Variants in AP5S1 observed in about 807,000 individuals in gnomAD.
AP5S1 encodes the protein AP-5 complex subunit sigma-1.
In AP5S1, 13 loss-of-function variants were observed where a neutral mutation model predicts 13.9. The ratio of observed to expected loss-of-function variants is 0.94; its 90% CI spans 0.61 to 1.49. AP5S1 has a LOEUF of 1.49. Among genes scored for constraint, AP5S1 ranks in the 40% most tolerant of loss-of-function variants. The pLI is 0.00. For synonymous variants in AP5S1, 132 were observed against 121.8 expected (o/e 1.08, Z -0.55); for missense variants, 292 against 272.3 (o/e 1.07, Z -0.51).
In AP5S1 at chr20:3,823,886, G is replaced by A; in HGVS notation, c.192G>A (p.Met64Ile). Residue 64 changes from methionine to isoleucine, a missense_variant, in exon 3 of 3, where the codon ATG (methionine) becomes ATA (isoleucine). Coordinates refer to ENST00000615891, the MANE Select transcript of AP5S1 (RefSeq NM_018347.3). ...CTCTCCCCAGGCAGGTAGAGTCAAT[G>A]TGTCGGCTGCAGCAGCAGGCATCTG... ...ILAVARQVES[M>I]CRLQQQASGR... 1.2e-6 allele frequency: 2 copies of A among 1,600,840 alleles called. No homozygotes were observed. Among genetic ancestry groups the A allele is most frequent in the Non-Finnish European group, 1.7e-6 (2 of 1,178,620 alleles).
chr20:3,822,125 A>T lies in AP5S1; in HGVS notation c.8A>T (p.His3Leu). 6.2e-7 allele frequency: 1 copy of T among 1,613,532 alleles called. No homozygotes were observed. The highest frequency in any genetic ancestry group is 1.1e-5 in the South Asian group (1 of 91,042). ...AGCACCCACCCTGGAGCCATGGTCC[A>T]CGCCTTCCTCATTCACACCTTGAGG... is the stretch of plus-strand genomic sequence containing the variant. MVHAFLIHTLRAP... is the reference protein window; with the variant it reads MVLAFLIHTLRAP... Residue 3 changes from histidine (H) to leucine (L), a missense_variant, in exon 2 of 3, where the codon CAC becomes CTC. By Grantham distance (99) the His-to-Leu change is moderately conservative. Transcript: ENST00000615891.
At chr20:3,823,468 G>C (rs1366572989) in intron 2 of AP5S1, 1 of 841,172 alleles carries the variant, frequency 1.2e-6, no homozygotes, top group African/African-American at 1.9e-5. Context: ...AGCCAGGATG[G>C]TCTCGATCTC....
chr20:3,822,781 C>A (rs6037668), intron 2 of AP5S1, among the ~76,000 whole-genome samples: 24,509 of 152,104 alleles, frequency 0.16, 2,920 homozygotes, highest in African/African-American at 0.34. Context: ...CTTTAGTGTG[C>A]CTGTAGACTT....
chr20:3,828,334 G>C lies in AP5S1; in HGVS notation c.*4037G>C, dbSNP rs902448470. On this transcript the variant is annotated 3_prime_UTR_variant, in exon 3 of 3. Transcript: ENST00000615891. ...CTTATCACCAACACTGGGCACCAGA[G>C]TGGTCATTTGTTACAACTGATGGAC... 1.3e-5 allele frequency: 2 copies of C among 152,210 alleles called. No homozygotes were observed. Among genetic ancestry groups the C allele is most frequent in the Admixed American group, 6.5e-5 (1 of 15,274 alleles). The allele number at this position is 152,210 out of a possible 1,614,324, so 9.4% of individuals were successfully genotyped here. A position where few individuals can be genotyped will look rare whatever the true frequency, so the allele number is the denominator to read the frequency against.
chr20:3,822,384 G>A, intron 2 of AP5S1, 91 bp downstream of exon 2: 1 of 1,283,306 alleles, frequency 7.8e-7, no homozygotes, highest in Non-Finnish European at 1.1e-6. Context: ...AGAAATAGGA[G>A]GACTAAGAAG....
At chr20:3,823,796 C>G (rs561069766) in intron 2 of AP5S1, 75 bp from the exon 3 acceptor site, 1 of 1,538,694 alleles carries the variant, frequency 6.5e-7, no homozygotes, top group South Asian at 1.2e-5. Flanking sequence ...TGGTAGCTCC[C>G]AGCACCAGGG....
At chr20:3,822,967 G>C (rs1037197475) in intron 2 of AP5S1, among the ~76,000 whole-genome samples, 2 of 152,092 alleles carry the variant, frequency 1.3e-5, no homozygotes, top group South Asian at 4.2e-4. Flanking sequence ...CCGCATTCTG[G>C]GTGGGGTAGC....
chr20:3,820,880 G>C (rs1382913818), intron 1 of AP5S1, 122 bp downstream of exon 1: 1 of 152,318 alleles, frequency 6.6e-6, no homozygotes, highest in East Asian at 1.9e-4. Flanking sequence ...CTGGGCTCCG[G>C]TTCTCGAAGT....
Position 3,824,070 on chromosome 20 carries a change from C to G in AP5S1, c.376C>G (p.Leu126Val). ...GVLSLGFALV[L>V]DAHENLLLAE... is the part of the protein sequence containing the mutation. ...GCTCTCGTTAGGCTTTGCCCTGGTG[C>G]TGGATGCCCATGAGAACCTGCTACT... The change falls in exon 3 of 3, where the codon CTG becomes GTG. Residue 126 changes from leucine to valine, a missense_variant. Coordinates refer to ENST00000615891, the MANE Select transcript of AP5S1 (RefSeq NM_018347.3). 6.2e-7 allele frequency: 1 copy of G among 1,613,948 alleles called. No individual in the cohort carries two copies. The highest frequency in any genetic ancestry group is 8.5e-7 in the Non-Finnish European group (1 of 1,180,012).
In AP5S1 at chr20:3,822,172, G is replaced by T; in HGVS notation, c.55G>T (p.Gly19Cys). 1 of 1,614,104 alleles carries T rather than the reference G, an allele frequency of 6.2e-7. No individual in the cohort carries two copies. Among genetic ancestry groups the T allele is most frequent in the Non-Finnish European group, 8.5e-7 (1 of 1,180,020 alleles). ...TLRAPNTEDT[G>C]LCRVLYSCVF... ...GAGGGCCCCGAATACTGAGGACACG[G>T]GCCTTTGCCGAGTGCTGTACTCCTG... is the stretch of plus-strand genomic sequence containing the variant. Residue 19 changes from glycine (G) to cysteine (C), a missense_variant, in exon 2 of 3, where the codon GGC (glycine) becomes TGC (cysteine). Coordinates refer to ENST00000615891, the MANE Select transcript of AP5S1 (RefSeq NM_018347.3).
chr20:3,822,378 A>G, intron 2 of AP5S1, 85 bp downstream of exon 2: 2 of 1,345,826 alleles, frequency 1.5e-6, no homozygotes, highest in Non-Finnish European at 2.1e-6. Context: ...ACGCAGAGAA[A>G]TAGGAGGACT....
At position 3,828,391 on chromosome 20, in the gene AP5S1, A is replaced by G. The variant is rs1230890604; in HGVS notation, c.*4094A>G. 6.6e-6 allele frequency: 1 copy of G among 152,202 alleles called. No individual in the cohort carries two copies. Among genetic ancestry groups the G allele is most frequent in the Non-Finnish European group, 1.5e-5 (1 of 68,048 alleles). The allele number at this position is 152,202 out of a possible 1,614,324, so 9.4% of individuals were successfully genotyped here. A position where few individuals can be genotyped will look rare whatever the true frequency, so the allele number is the denominator to read the frequency against. On this transcript the variant is annotated 3_prime_UTR_variant, in exon 3 of 3. Transcript: ENST00000615891. The stretch of plus-strand genomic sequence containing the variant: ...TGACACGTCACTATCACCAGAGTCC[A>G]TAGTTTACATTAGGGTTCACTCTTG...
Position 3,826,092 on chromosome 20 carries a change from C to T in AP5S1, c.*1795C>T, listed in dbSNP as rs1166511073. 1 of 152,210 alleles carries T rather than the reference C, an allele frequency of 6.6e-6. No individual in the cohort carries two copies. The highest frequency in any genetic ancestry group is 1.5e-5 in the Non-Finnish European group (1 of 68,046). 9.4% of individuals were successfully genotyped at this position (152,210 alleles called of 1,614,324 possible). A position where few individuals can be genotyped will look rare whatever the true frequency, so the allele number is the denominator to read the frequency against. ...GTGCTCAGCTCTCATGCTTGCCATCCATCAGTTGCCCTTTAGCATCCAGGA... is the reference window on the plus strand; with the variant it reads ...GTGCTCAGCTCTCATGCTTGCCATCTATCAGTTGCCCTTTAGCATCCAGGA... On this transcript the variant is annotated 3_prime_UTR_variant, in exon 3 of 3. Transcript: ENST00000615891.
Position 3,824,673 on chromosome 20 carries a change from C to T in AP5S1, c.*376C>T, listed in dbSNP as rs1284114804. The T allele has an allele frequency of 4.2e-6, 1 of 237,416 alleles. No individual in the cohort carries two copies. Among genetic ancestry groups the T allele is most frequent in the Non-Finnish European group, 8.3e-6 (1 of 120,314 alleles). The allele number at this position is 237,416 out of a possible 1,614,324, so 14.7% of individuals were successfully genotyped here. A position where few individuals can be genotyped will look rare whatever the true frequency, so the allele number is the denominator to read the frequency against. On this transcript the variant is annotated 3_prime_UTR_variant, in exon 3 of 3. Transcript: ENST00000615891. ...CAAGGCCAGGCGCGGTGGCTCACGCCTGTAATCCCAGCACTTTGCGGGGCT... is the reference window on the plus strand; with the variant it reads ...CAAGGCCAGGCGCGGTGGCTCACGCTTGTAATCCCAGCACTTTGCGGGGCT...
In AP5S1 at chr20:3,824,130, C is replaced by G. The variant is rs780903071; in HGVS notation, c.436C>G (p.Leu146Val). 2 of 1,613,930 alleles carry G rather than the reference C, an allele frequency of 1.2e-6. No individual in the cohort carries two copies. The highest frequency in any genetic ancestry group is 1.7e-6 in the Non-Finnish European group (2 of 1,180,040). Residue 146 changes from leucine to valine, a missense_variant, in exon 3 of 3, where the codon CTC becomes GTC. Coordinates refer to ENST00000615891, the MANE Select transcript of AP5S1 (RefSeq NM_018347.3). ...EGTLRLLTRLLLDHLRLLAPS... is the reference protein window; with the variant it reads ...EGTLRLLTRLVLDHLRLLAPS... Reference sequence around the variant, plus strand: ...CACGCTCCGGCTGCTGACACGCCTCCTCCTTGACCACCTCCGGCTGCTGGC... The same window carrying G: ...CACGCTCCGGCTGCTGACACGCCTCGTCCTTGACCACCTCCGGCTGCTGGC...
At position 3,823,997 on chromosome 20, in the gene AP5S1, A is replaced by G. The variant is rs778657964; in HGVS notation, c.303A>G (p.Ala101=). 1.2e-6 allele frequency: 2 copies of G among 1,613,232 alleles called. No homozygotes were observed. The highest frequency in any genetic ancestry group is 3.3e-5 in the Admixed American group (2 of 60,020). Residue 101 remains alanine (A), a synonymous_variant, in exon 3 of 3, where the codon GCA becomes GCG. Coordinates refer to ENST00000615891, the MANE Select transcript of AP5S1 (RefSeq NM_018347.3). ...CCCCACGTGGGGCTTTCCGCCTGGC[A>G]GCAGAGAACCCTTTCCAGGAGCCAC... ...HEAPRGAFRL[A]AENPFQEPRT...
At chr20:3,821,765 A>C (rs2089583334) in intron 1 of AP5S1, 2 of 281,866 alleles carry the variant, frequency 7.1e-6, no homozygotes, top group Non-Finnish European at 1.1e-5. Context: ...GCAGCTCCTC[A>C]GGTTTTCCAT....
chr20:3,828,440 G>A lies in AP5S1; in HGVS notation c.*4143G>A, dbSNP rs985854556. Reference sequence around the variant, plus strand: ...TGGGGTGGTACATTCTATAGGTTTGGATGTATTTTCAGTGACATGCATCTA... The same window carrying A: ...TGGGGTGGTACATTCTATAGGTTTGAATGTATTTTCAGTGACATGCATCTA... On this transcript the variant is annotated 3_prime_UTR_variant, in exon 3 of 3. Coordinates refer to ENST00000615891, the MANE Select transcript of AP5S1 (RefSeq NM_018347.3). 3.3e-5 allele frequency: 5 copies of A among 152,152 alleles called. No homozygotes were observed. Among genetic ancestry groups the A allele is most frequent in the African/African-American group, 1.2e-4 (5 of 41,424 alleles). The allele number at this position is 152,152 out of a possible 1,614,324, so 9.4% of individuals were successfully genotyped here. A position where few individuals can be genotyped will look rare whatever the true frequency, so the allele number is the denominator to read the frequency against.
At position 3,828,124 on chromosome 20, in the gene AP5S1, C is replaced by G. The variant is rs1288771750; in HGVS notation, c.*3827C>G. The stretch of plus-strand genomic sequence containing the variant: ...TTGTAATGCAGTTAACCGTGTTTGT[C>G]AGATTCAATACTCTGTGACCCGTTA... On this transcript the variant is annotated 3_prime_UTR_variant, in exon 3 of 3. Transcript: ENST00000615891. 6.6e-6 allele frequency: 1 copy of G among 152,258 alleles called. No individual in the cohort carries two copies. Among genetic ancestry groups the G allele is most frequent in the East Asian group, 1.9e-4 (1 of 5,190 alleles). 9.4% of individuals were successfully genotyped at this position (152,258 alleles called of 1,614,324 possible).
Sources: gnomAD v4.1 joint callset for allele counts (sites outside exome capture counted in the v4.1 genomes callset) on GRCh38, gnomAD v4.1.1 for gene constraint, MANE v1.5 for transcripts, NCBI Gene and HGNC (gene_info 2026-07-23, HGNC 2026-07-21) for gene names.